Variants in EFCAB13 observed in about 807,000 individuals in gnomAD.
EFCAB13 encodes EF-hand calcium-binding domain-containing protein 13.
Under a neutral mutation model 110.2 loss-of-function variants are expected in EFCAB13, and 91 were observed. The ratio of observed to expected loss-of-function variants is 0.83; its 90% CI spans 0.70 to 0.98. EFCAB13 has a LOEUF of 0.98. EFCAB13 is among the 50% of genes least tolerant of loss of function. The pLI is 0.00. For synonymous variants in EFCAB13, 323 were observed against 369.9 expected, an observed-to-expected ratio of 0.87 and a Z score of 1.45; for missense variants, 968 against 1,119.4, an observed-to-expected ratio of 0.86 and a Z score of 1.93.
At chr17:47,364,638 C>T (rs2065535790) in intron 10 of EFCAB13, among the ~76,000 whole-genome samples, 1 of 152,198 alleles carries the variant, frequency 6.6e-6, no homozygotes, top group African/African-American at 2.4e-5. Context: ...GTTCACATAA[C>T]CTTTCCTCAG....
chr17:47,425,617 C>T (rs1373752630), intron 23 of EFCAB13, among the ~76,000 whole-genome samples: 1 of 152,178 alleles, frequency 6.6e-6, no homozygotes, highest in Non-Finnish European at 1.5e-5. Context: ...ACTTCTGAAC[C>T]TTTTTCGTGG....
At chr17:47,336,819 A>G (rs1313601582) in intron 5 of EFCAB13, among the ~76,000 whole-genome samples, 1 of 152,094 alleles carries the variant, frequency 6.6e-6, no homozygotes, top group Non-Finnish European at 1.5e-5. Flanking sequence ...AAGTTCTAGC[A>G]TTTTAAATGC....
intron 24 of EFCAB13, among the ~76,000 whole-genome samples, chr17:47,439,304 G>A (rs1431659650): frequency 6.6e-6 from 1 of 150,572 alleles, no homozygotes; most frequent in African/African-American, 2.4e-5. Context: ...AGCCTCCCGA[G>A]TAGCTGGGAT....
intron 14 of EFCAB13, among the ~76,000 whole-genome samples, chr17:47,386,864 G>C (rs1386699226): frequency 3.3e-5 from 5 of 152,088 alleles, no homozygotes; most frequent in Non-Finnish European, 1.5e-5. Context: ...TCCCTTGGCT[G>C]GGGGAGGGAG....
In EFCAB13 at chr17:47,424,874, CTTTTTTTTTTTT is replaced by C. The variant is rs548271723; in HGVS notation, c.2495-4929_2495-4918del. Among the ~76,000 whole-genome samples the C allele has an allele frequency of 2.4e-4, 9 of 36,898 alleles. 1 individual carries two copies. Among genetic ancestry groups the C allele is most frequent in the Admixed American group, 1.4e-3 (5 of 3,508 alleles). 24.2% of individuals were successfully genotyped at this position (36,898 alleles called of 152,430 possible). A position where few individuals can be genotyped will look rare whatever the true frequency, so the allele number is the denominator to read the frequency against. On this transcript the variant is annotated intron_variant, in intron 23 of 24. Coordinates refer to ENST00000331493, the MANE Select transcript of EFCAB13 (RefSeq NM_152347.5). Reference sequence around the variant, plus strand: ...AGGATTTCTTTCTCCGGTTGACAATCTTTTTTTTTTTTTTTTTTTTTTTTTTGAGACGGAGTC... The same window carrying C: ...AGGATTTCTTTCTCCGGTTGACAATCTTTTTTTTTTTTTTGAGACGGAGTC...
rs150641913 is a variant in EFCAB13, at chr17:47,352,381, T to C, written c.661+4430T>C. 4.6e-3 allele frequency among the ~76,000 whole-genome samples: 695 copies of C among 152,242 alleles called. 4 individuals are homozygous for C. Among genetic ancestry groups the C allele is most frequent in the Middle Eastern group, 0.017 (5 of 294 alleles). On this transcript the variant is annotated intron_variant, in intron 9 of 24. Coordinates refer to ENST00000331493, the MANE Select transcript of EFCAB13 (RefSeq NM_152347.5). ...CACCAGTGTATGTTTTTGTCAACTT[T>C]GTCAAAGATCAGGTGGCTATAGATA...
intron 20 of EFCAB13, among the ~76,000 whole-genome samples, chr17:47,405,977 G>T (rs1380574699): frequency 6.6e-6 from 1 of 151,384 alleles, no homozygotes; most frequent in Non-Finnish European, 1.5e-5. Flanking sequence ...GTGAAACTTT[G>T]GTGTATCTAA....
At chr17:47,381,324 G>A (rs914532752) in intron 14 of EFCAB13, among the ~76,000 whole-genome samples, 1 of 152,036 alleles carries the variant, frequency 6.6e-6, no homozygotes, top group Non-Finnish European at 1.5e-5. Context: ...TCTGATGATA[G>A]TTTCTTTTGC....
Position 47,440,941 on chromosome 17 carries a change from T to C in EFCAB13, c.*227T>C, listed in dbSNP as rs560771086. The C allele has an allele frequency of 6.5e-5, 22 of 338,138 alleles. No homozygotes were observed. In the Admixed American group the frequency reaches 7.6e-4, roughly 12 times the overall value. 20.9% of individuals were successfully genotyped at this position (338,138 alleles called of 1,614,324 possible). A position where few individuals can be genotyped will look rare whatever the true frequency, so the allele number is the denominator to read the frequency against. ...AATGTACATATGGCAAAATTCACTC[T>C]TTTTAGGTATACAGTTCTTTGGATT... On this transcript the variant is annotated 3_prime_UTR_variant, in exon 25 of 25. Coordinates refer to ENST00000331493, the MANE Select transcript of EFCAB13 (RefSeq NM_152347.5).
At chr17:47,363,117 G>T (rs1490300991) in intron 10 of EFCAB13, among the ~76,000 whole-genome samples, 2 of 152,142 alleles carry the variant, frequency 1.3e-5, no homozygotes, top group Admixed American at 6.5e-5. Flanking sequence ...TGTTGCCCAG[G>T]CTGTAGTGCG....
chr17:47,347,233 T>C (rs914820561), intron 8 of EFCAB13, among the ~76,000 whole-genome samples: 4 of 152,182 alleles, frequency 2.6e-5, no homozygotes, highest in Non-Finnish European at 5.9e-5. Flanking sequence ...TGAGCCATGA[T>C]TGCACTACTG....
chr17:47,370,408 A>G (rs553298956), intron 10 of EFCAB13, 29 bp from the exon 11 acceptor site: 10 of 1,393,882 alleles, frequency 7.2e-6, no homozygotes, highest in East Asian at 4.6e-5. Flanking sequence ...TCAAAAGTAA[A>G]TACAGTATTT....
intron 6 of EFCAB13, 144 bp from the exon 7 acceptor site, chr17:47,344,018 T>C: frequency 2.2e-6 from 2 of 911,054 alleles, no homozygotes; most frequent in South Asian, 5.0e-5. Flanking sequence ...GTAATTTAAT[T>C]ACAAAAGGCA....
chr17:47,344,021 A>T (rs902108156), intron 6 of EFCAB13, 141 bp from the exon 7 acceptor site: 1 of 950,626 alleles, frequency 1.1e-6, no homozygotes, highest in Non-Finnish European at 1.5e-6. Context: ...ATTTAATTAC[A>T]AAAGGCAATT....
At chr17:47,384,183 G>A (rs1299031252) in intron 14 of EFCAB13, among the ~76,000 whole-genome samples, 2 of 95,946 alleles carry the variant, frequency 2.1e-5, no homozygotes, top group Admixed American at 1.3e-4. Context: ...CTTTCCATTT[G>A]CTTGGTGAAT....
intron 10 of EFCAB13, among the ~76,000 whole-genome samples, chr17:47,364,805 G>A (rs1450966267): frequency 6.6e-6 from 1 of 152,174 alleles, no homozygotes; most frequent in African/African-American, 2.4e-5. Context: ...CTCTTTTAGT[G>A]TGGTTTACAG....
intron 23 of EFCAB13, among the ~76,000 whole-genome samples, chr17:47,422,321 T>G (rs1041514350): frequency 1.3e-4 from 20 of 152,250 alleles, no homozygotes; most frequent in African/African-American, 4.1e-4. Flanking sequence ...TCACAGAGAT[T>G]AGGAATGAGA....
At chr17:47,391,327 A>G (rs1354999315) in intron 14 of EFCAB13, 110 bp from the exon 15 acceptor site, 1 of 763,216 alleles carries the variant, frequency 1.3e-6, no homozygotes, top group Non-Finnish European at 1.9e-6. Flanking sequence ...ACACTGCTGA[A>G]GTGATTTATA....
At chr17:47,403,037 G>A (rs562757723) in intron 18 of EFCAB13, among the ~76,000 whole-genome samples, 1 of 152,198 alleles carries the variant, frequency 6.6e-6, no homozygotes, top group Non-Finnish European at 1.5e-5. Context: ...AGAAAGCAGA[G>A]CTGATACAGG....
Sources: gnomAD v4.1 joint callset for allele counts (sites outside exome capture counted in the v4.1 genomes callset) on GRCh38, gnomAD v4.1.1 for gene constraint, MANE v1.5 for transcripts, NCBI Gene and HGNC (gene_info 2026-07-23, HGNC 2026-07-21) for gene names.